DMAP1: variants seen among roughly 807,000 people sequenced by gnomAD.
DMAP1 encodes the protein DNA methyltransferase 1-associated protein 1.
DMAP1 carries 26 observed loss-of-function variants against 52.7 expected under a neutral mutation model. The observed-to-expected ratio is 0.49, with a 90% CI of 0.36 to 0.68. DMAP1 has a LOEUF of 0.68. Ranked by LOEUF, DMAP1 falls within the 30% of genes least tolerant of loss-of-function variation. The probability of loss-of-function intolerance (pLI) is 0.00; values close to 1 mark genes in which losing one functional copy is unlikely to be tolerated. For synonymous variants in DMAP1, 231 were observed against 246.0 expected (o/e 0.94, Z 0.57); for missense variants, 439 against 625.2 (o/e 0.70, Z 3.18).
At chr1:44,219,560 G>C in intron 7 of DMAP1, 83 bp downstream of exon 7, 4 of 1,391,992 alleles carry the variant, frequency 2.9e-6, no homozygotes, top group Non-Finnish European at 3.9e-6. Flanking sequence ...CAGGCAGGTG[G>C]GGATGGAGCA....
chr1:44,213,575 T>C lies in DMAP1; in HGVS notation c.-179T>C. ...GTGGCTGAAGGGGCCGTTAGGAACA[T>C]CCAAGCGGTGGGGCACAGGCAGATC... is the stretch of plus-strand genomic sequence containing the variant. On this transcript the variant is annotated 5_prime_UTR_variant, in exon 1 of 10. Transcript: ENST00000372289. This position sits in a 1 kb window ranked among gnomAD's most constrained non-coding sequence, Gnocchi z 4.5. 1 of 557,576 alleles carries C rather than the reference T, an allele frequency of 1.8e-6. No homozygotes were observed. Among genetic ancestry groups the C allele is most frequent in the Non-Finnish European group, 3.2e-6 (1 of 313,774 alleles). 34.5% of individuals were successfully genotyped at this position (557,576 alleles called of 1,614,324 possible).
At position 44,219,215 on chromosome 1, in the gene DMAP1, C is replaced by T; in HGVS notation, c.880C>T (p.Pro294Ser). ...ACGCAAGGCCCCCAAAAAGAAGCTA[C>T]CCCAGAAAAAGGAGGCTGAGAAGCC... ...TERKAPKKKL[P>S]QKKEAEKPAV... The change falls in exon 6 of 10, where the codon CCC (proline) becomes TCC (serine). Residue 294 changes from proline (P) to serine (S), a missense_variant. By Grantham distance (74) the Pro-to-Ser change is moderately conservative. Around this residue, in one of 3 missense-constraint regions of DMAP1, gnomAD observed 179 missense variants for 285.9 expected, o/e 0.63. Transcript: ENST00000372289. The T allele has an allele frequency of 6.2e-7, 1 of 1,613,336 alleles. No homozygotes were observed. The highest frequency in any genetic ancestry group is 8.5e-7 in the Non-Finnish European group (1 of 1,179,844).
rs753755077 is a variant in DMAP1, at chr1:44,219,461, C to T, written c.962C>T (p.Thr321Met). 6.9e-6 allele frequency: 11 copies of T among 1,590,498 alleles called. No individual in the cohort carries two copies. The highest frequency in any genetic ancestry group is 1.4e-5 in the African/African-American group (1 of 73,776). The change falls in exon 7 of 10, where the codon ACG (threonine) becomes ATG (methionine). Residue 321 changes from threonine (T) to methionine (M), a missense_variant. Coordinates refer to ENST00000372289, the MANE Select transcript of DMAP1 (RefSeq NM_019100.5). ...KFPDFKSAGV[T>M]LRSQRMKLPS... Reference sequence around the variant, plus strand: ...CCAGACTTCAAGTCTGCAGGTGTCACGCTGCGGAGCCAACGGGTACGTGAG... The same window carrying T: ...CCAGACTTCAAGTCTGCAGGTGTCATGCTGCGGAGCCAACGGGTACGTGAG...
At position 44,218,933 on chromosome 1, in the gene DMAP1, C is replaced by T; in HGVS notation, c.721-123C>T. 1 of 1,432,096 alleles carries T rather than the reference C, an allele frequency of 7.0e-7. No individual in the cohort carries two copies. Among genetic ancestry groups the T allele is most frequent in the Non-Finnish European group, 9.5e-7 (1 of 1,049,056 alleles). The allele number at this position is 1,432,096 out of a possible 1,614,324, so 88.7% of individuals were successfully genotyped here. On this transcript the variant is annotated intron_variant, in intron 5 of 9. Transcript: ENST00000372289. This position sits in a 1 kb window ranked among gnomAD's most constrained non-coding sequence, Gnocchi z 5.6. Reference sequence around the variant, plus strand: ...ATCCCCCCTGCTTTTCATAGCCCTTCACCTCCCTCATGATCCATTACTTCT... The same window carrying T: ...ATCCCCCCTGCTTTTCATAGCCCTTTACCTCCCTCATGATCCATTACTTCT...
At position 44,218,867 on chromosome 1, in the gene DMAP1, C is replaced by T; in HGVS notation, c.720+112C>T. 1 of 1,464,232 alleles carries T rather than the reference C, an allele frequency of 6.8e-7. No individual in the cohort carries two copies. Among genetic ancestry groups the T allele is most frequent in the Non-Finnish European group, 9.2e-7 (1 of 1,083,428 alleles). The allele number at this position is 1,464,232 out of a possible 1,614,324, so 90.7% of individuals were successfully genotyped here. On this transcript the variant is annotated intron_variant, in intron 5 of 9. Transcript: ENST00000372289. This position sits in a 1 kb window ranked among gnomAD's most constrained non-coding sequence, Gnocchi z 5.6. ...AGGTCCCCCTGCCTCCCACTGATAC[C>T]TTATTAACTGCCCCAAGCCCATTCC... is the stretch of plus-strand genomic sequence containing the variant.
At position 44,214,427 on chromosome 1, in the gene DMAP1, C is replaced by G. The variant is rs1278958917; in HGVS notation, c.183C>G (p.Leu61=). The G allele has an allele frequency of 5.0e-6, 8 of 1,614,132 alleles. No individual in the cohort carries two copies. Among genetic ancestry groups the G allele is most frequent in the South Asian group, 1.1e-5 (1 of 91,072 alleles). Residue 61 remains leucine, a synonymous_variant, in exon 2 of 10, where the codon CTC becomes CTG. Transcript: ENST00000372289. The part of the protein sequence containing the change: ...EGMHREVYAL[L]YSDKKDAPPL... ...TGCACCGGGAAGTCTATGCCTTGCT[C>G]TACTCTGACAAGAAGCAAGTATTGG...
chr1:44,214,661 CT>C, intron 2 of DMAP1, 41 bp from the exon 3 acceptor site: 1 of 1,612,580 alleles, frequency 6.2e-7, no homozygotes, highest in Non-Finnish European at 8.5e-7. Context: ...TTTAACACAC[CT>C]TCTGATTCTA....
rs969870238 is a variant in DMAP1, at chr1:44,219,841, C to T, written c.1014C>T (p.Ile338=). ...KLPSSVGQKK[I]KALEQMLLEL... Reference sequence around the variant, plus strand: ...CAAGCTCTGTGGGACAGAAGAAGATCAAGGCCCTGGAACAGATGCTGCTGG... The same window carrying T: ...CAAGCTCTGTGGGACAGAAGAAGATTAAGGCCCTGGAACAGATGCTGCTGG... Residue 338 remains isoleucine, a synonymous_variant, in exon 8 of 10, where the codon ATC becomes ATT. Transcript: ENST00000372289. The T allele has an allele frequency of 1.2e-6, 2 of 1,614,188 alleles. No individual in the cohort carries two copies. Among genetic ancestry groups the T allele is most frequent in the Admixed American group, 1.7e-5 (1 of 60,032 alleles).
rs1368271241 is a variant in DMAP1, at chr1:44,213,949, T to G, written c.105+91T>G. On this transcript the variant is annotated intron_variant, in intron 1 of 9. Coordinates refer to ENST00000372289, the MANE Select transcript of DMAP1 (RefSeq NM_019100.5). The surrounding 1 kb of genome is among the most constrained non-coding windows in gnomAD (Gnocchi z 4.5). ...AACGGGCAAGGGATGGGTGCTACAC[T>G]TACAGTGAGTTGGGCGATAAAAGGG... The G allele has an allele frequency of 1.7e-6, 2 of 1,154,152 alleles. No individual in the cohort carries two copies. Among genetic ancestry groups the G allele is most frequent in the Non-Finnish European group, 2.5e-6 (2 of 796,750 alleles). 71.5% of individuals were successfully genotyped at this position (1,154,152 alleles called of 1,614,324 possible). A position where few individuals can be genotyped will look rare whatever the true frequency, so the allele number is the denominator to read the frequency against.
Position 44,213,613 on chromosome 1 carries a change from T to C in DMAP1, c.-141T>C, listed in dbSNP as rs1643726533. 4.2e-6 allele frequency: 3 copies of C among 707,924 alleles called. No homozygotes were observed. The highest frequency in any genetic ancestry group is 1.8e-5 in the South Asian group (1 of 54,326). 43.9% of individuals were successfully genotyped at this position (707,924 alleles called of 1,614,324 possible). A position where few individuals can be genotyped will look rare whatever the true frequency, so the allele number is the denominator to read the frequency against. On this transcript the variant is annotated 5_prime_UTR_variant, in exon 1 of 10. Transcript: ENST00000372289. The surrounding 1 kb of genome is among the most constrained non-coding windows in gnomAD (Gnocchi z 4.5). ...GCACAGGCAGATCCCCGACCTGACC[T>C]GGACCACCCTTCTCCTCTTGGCCCG...
intron 3 of DMAP1, chr1:44,215,305 G>A (rs760841979): frequency 4.4e-6 from 2 of 457,596 alleles, no homozygotes; most frequent in Non-Finnish European, 8.8e-6. Flanking sequence ...ATGCCCCACA[G>A]GTACCTTACA....
In DMAP1 at chr1:44,219,541, CAA is replaced by C; in HGVS notation, c.978+66_978+67del. On this transcript the variant is annotated intron_variant, in intron 7 of 9. Coordinates refer to ENST00000372289, the MANE Select transcript of DMAP1 (RefSeq NM_019100.5). ...GCTCTGCTCTGGGCTCCATGTGTCC[CAA>C]ACGCTGCAGGCAGGTGGGGATGGAG... The C allele has an allele frequency of 1.0e-5, 15 of 1,466,804 alleles. No individual in the cohort carries two copies. In the South Asian group the frequency reaches 1.8e-4, roughly 17 times the overall value. The allele number at this position is 1,466,804 out of a possible 1,614,324, so 90.9% of individuals were successfully genotyped here. A position where few individuals can be genotyped will look rare whatever the true frequency, so the allele number is the denominator to read the frequency against.
At chr1:44,219,271 G>A (rs1183610493) in intron 6 of DMAP1, 30 bp downstream of exon 6, 8 of 1,602,136 alleles carry the variant, frequency 5.0e-6, no homozygotes, top group Admixed American at 1.7e-5. Context: ...CTAGCTCAGG[G>A]TGGAAGGGTC....
At position 44,218,796 on chromosome 1, in the gene DMAP1, C is replaced by A. The variant is rs1490888434; in HGVS notation, c.720+41C>A. 2 of 1,560,402 alleles carry A rather than the reference C, an allele frequency of 1.3e-6. No homozygotes were observed. Among genetic ancestry groups the A allele is most frequent in the East Asian group, 2.3e-5 (1 of 44,268 alleles). On this transcript the variant is annotated intron_variant, in intron 5 of 9. Transcript: ENST00000372289. This position sits in a 1 kb window ranked among gnomAD's most constrained non-coding sequence, Gnocchi z 5.6. ...CATACCTGTCCTCCATGCCCCAAAC[C>A]CCTTGCTCATTGTCTCCATCCTCCA...
chr1:44,220,114 C>T lies in DMAP1; in HGVS notation c.1149C>T (p.Asn383=), dbSNP rs1421461876. ...LLYELKQACA[N]CEYELQMLRH... is the part of the protein sequence containing the mutation. ...ACGAGCTCAAGCAGGCCTGTGCCAACTGCGAGTATGAGCTGCAGATGCTGC... is the reference window on the plus strand; with the variant it reads ...ACGAGCTCAAGCAGGCCTGTGCCAATTGCGAGTATGAGCTGCAGATGCTGC... Residue 383 remains asparagine (N), a synonymous_variant, in exon 9 of 10, where the codon AAC becomes AAT. Transcript: ENST00000372289. 1.2e-6 allele frequency: 2 copies of T among 1,612,694 alleles called. No homozygotes were observed.
At chr1:44,215,156 C>G in intron 3 of DMAP1, 1 of 619,810 alleles carries the variant, frequency 1.6e-6, no homozygotes, top group Non-Finnish European at 3.0e-6. Context: ...TTCCTCAGAG[C>G]TGTATCCTAG....
chr1:44,214,472 T>A (rs1424772496), intron 2 of DMAP1, 31 bp downstream of exon 2: 1 of 1,613,754 alleles, frequency 6.2e-7, no homozygotes, highest in Non-Finnish European at 8.5e-7. Context: ...TCCCCCAGGT[T>A]TTGGCCCCTG....
intron 3 of DMAP1, chr1:44,216,977 A>G (rs1225184309): frequency 6.6e-6 from 1 of 152,168 alleles, no homozygotes; most frequent in Non-Finnish European, 1.5e-5. Context: ...TTAATAAGGG[A>G]TAGTTGGGGG....
At chr1:44,215,517 C>CA (rs1415060743) in intron 3 of DMAP1, 2 of 337,782 alleles carry the variant, frequency 5.9e-6, no homozygotes, top group Non-Finnish European at 1.2e-5. Context: ...AAACAAACAA[C>CA]AAACATGTAA....
Sources: allele counts gnomAD v4.1 joint callset, GRCh38; gene constraint gnomAD v4.1.1; regional missense constraint gnomAD v4.1.1; non-coding constraint Gnocchi (gnomAD v3.1); transcripts MANE v1.5; gene names NCBI Gene and HGNC (gene_info 2026-07-23, HGNC 2026-07-21).